The following PDE11A variants were observed in gnomAD, a reference collection of about 807,000 sequenced individuals.
PDE11A encodes phosphodiesterase 11A.
PDE11A carries 100 observed loss-of-function variants against 100.5 expected under a neutral mutation model. The ratio of observed to expected loss-of-function variants is 1.00; its 90% confidence interval spans 0.85 to 1.18. The LOEUF is 1.18. Ranked by LOEUF, PDE11A falls within the 50% of genes most tolerant of loss-of-function variation. The pLI, the probability that PDE11A is intolerant of heterozygous loss-of-function variation, is 0.00. For synonymous variants in PDE11A, 381 were observed against 420.8 expected, an observed-to-expected ratio of 0.91 and a Z score of 1.16; for missense variants, 1,141 against 1,152.6, an observed-to-expected ratio of 0.99 and a Z score of 0.15.
intron 12 of PDE11A, among the ~76,000 whole-genome samples, chr2:177,720,428 A>T (rs1240458361): frequency 1.3e-5 from 2 of 152,114 alleles, no homozygotes; most frequent in South Asian, 2.1e-4. Flanking sequence ...CACAAACTTC[A>T]ATGGAGGGGA....
chr2:178,031,496 T>C (rs939333445), intron 1 of PDE11A, among the ~76,000 whole-genome samples: 1 of 152,100 alleles, frequency 6.6e-6, no homozygotes, highest in Non-Finnish European at 1.5e-5. Flanking sequence ...CAAAAGTAAA[T>C]TGCATTTCTA....
intron 10 of PDE11A, 97 bp from the exon 11 acceptor site, chr2:177,728,269 T>C: frequency 9.4e-7 from 1 of 1,061,034 alleles, no homozygotes; most frequent in Non-Finnish European, 1.4e-6. Flanking sequence ...GCCACATAAA[T>C]CAGGCCTGAC....
At chr2:178,058,846 T>C (rs1347811067) in intron 1 of PDE11A, among the ~76,000 whole-genome samples, 4 of 152,078 alleles carry the variant, frequency 2.6e-5, no homozygotes, top group Admixed American at 6.6e-5. Context: ...TAAATTACTA[T>C]GGAAGTTAGT....
intron 2 of PDE11A, among the ~76,000 whole-genome samples, chr2:178,000,630 T>C (rs2086132926): frequency 1.3e-5 from 2 of 152,340 alleles, no homozygotes; most frequent in African/African-American, 4.8e-5. Flanking sequence ...AATGAAAATA[T>C]TAAAGTATCT....
chr2:178,055,942 G>A (rs2009303), intron 1 of PDE11A, among the ~76,000 whole-genome samples: 68,283 of 151,678 alleles, frequency 0.45, 15,607 homozygotes, highest in Non-Finnish European at 0.48. Context: ...TTTTAAATAC[G>A]CTTTCACATA....
At chr2:177,695,877 T>G (rs543530214) in intron 15 of PDE11A, among the ~76,000 whole-genome samples, 1 of 152,270 alleles carries the variant, frequency 6.6e-6, no homozygotes, top group South Asian at 2.1e-4. Flanking sequence ...AGGGAGTCAT[T>G]TCAAAGCGAA....
intron 4 of PDE11A, among the ~76,000 whole-genome samples, chr2:177,892,457 A>G (rs1325083912): frequency 1.3e-5 from 2 of 152,258 alleles, no homozygotes; most frequent in Admixed American, 1.3e-4. Flanking sequence ...GTTCACAGAT[A>G]CAGCTATACA....
intron 1 of PDE11A, among the ~76,000 whole-genome samples, chr2:178,046,751 C>A (rs1274756906): frequency 1.3e-5 from 2 of 152,138 alleles, no homozygotes; most frequent in East Asian, 1.9e-4. Flanking sequence ...ATGTAACTAT[C>A]CTGGGTCCAA....
intron 2 of PDE11A, among the ~76,000 whole-genome samples, chr2:177,945,019 G>A (rs1257520221): frequency 2.7e-5 from 4 of 149,044 alleles, no homozygotes; most frequent in Non-Finnish European, 4.5e-5. Context: ...ACGGGGTTTC[G>A]CTGTGTTGGC....
intron 2 of PDE11A, among the ~76,000 whole-genome samples, chr2:178,088,033 A>T (rs1431590641): frequency 6.6e-6 from 1 of 152,146 alleles, no homozygotes; most frequent in African/African-American, 2.4e-5. Flanking sequence ...CCTTTTCTGC[A>T]CTGAAGCTCC....
chr2:177,849,800 C>CAAA (rs1359644725), intron 5 of PDE11A, among the ~76,000 whole-genome samples: 4 of 127,856 alleles, frequency 3.1e-5, no homozygotes, highest in African/African-American at 1.1e-4. Flanking sequence ...AAAAAAAAAA[C>CAAA]AAAAAAACCT....
chr2:177,918,087 C>G (rs1357592020), intron 2 of PDE11A, among the ~76,000 whole-genome samples: 1 of 152,150 alleles, frequency 6.6e-6, no homozygotes, highest in African/African-American at 2.4e-5. Flanking sequence ...ACAAAAAGAG[C>G]TTTAAAGTTT....
At chr2:178,106,758 G>C (rs776330424) in intron 1 of PDE11A, among the ~76,000 whole-genome samples, 9 of 151,858 alleles carry the variant, frequency 5.9e-5, no homozygotes, top group African/African-American at 2.2e-4. Flanking sequence ...TCAGGAGTTC[G>C]AGACCAGCCT....
At position 177,848,279 on chromosome 2, in the gene PDE11A, A is replaced by G. The variant is rs79630753; in HGVS notation, c.1368-7896T>C. Among the ~76,000 whole-genome samples the G allele has an allele frequency of 7.2e-3, 1,098 of 152,334 alleles. 12 individuals carry two copies. The highest frequency in any genetic ancestry group is 0.025 in the African/African-American group (1,022 of 41,558). On this transcript the variant is annotated intron_variant, in intron 5 of 19. Coordinates refer to ENST00000286063, the MANE Select transcript of PDE11A (RefSeq NM_016953.4). ...GGCTTAAAGGAAAAAAACAGCAGACAGTAAAAATATATTGATATAAATGTT... is the reference window on the plus strand; with the variant it reads ...GGCTTAAAGGAAAAAAACAGCAGACGGTAAAAATATATTGATATAAATGTT...
intron 2 of PDE11A, among the ~76,000 whole-genome samples, chr2:177,967,658 C>A (rs1431107682): frequency 6.6e-6 from 1 of 151,928 alleles, no homozygotes; most frequent in Non-Finnish European, 1.5e-5. Flanking sequence ...AAACCTCAGC[C>A]TCTAAAACCT....
At chr2:178,090,607 G>T (rs955551403) in intron 2 of PDE11A, among the ~76,000 whole-genome samples, 3 of 152,166 alleles carry the variant, frequency 2.0e-5, no homozygotes, top group African/African-American at 7.2e-5. Flanking sequence ...ATCCATCAGG[G>T]TTGTATAAAT....
chr2:177,642,525 C>A (rs980753799), intron 19 of PDE11A, among the ~76,000 whole-genome samples: 16 of 152,162 alleles, frequency 1.1e-4, no homozygotes, highest in African/African-American at 3.9e-4. Flanking sequence ...ATTTATTCTG[C>A]CAGAACTGTG....
chr2:178,005,759 AT>A (rs1233498181), intron 2 of PDE11A, among the ~76,000 whole-genome samples: 1 of 152,252 alleles, frequency 6.6e-6, no homozygotes, highest in Non-Finnish European at 1.5e-5. Context: ...ATCAATGATC[AT>A]GCAAAGTCCT....
chr2:177,850,023 G>A (rs918837970), intron 5 of PDE11A, among the ~76,000 whole-genome samples: 1 of 152,088 alleles, frequency 6.6e-6, no homozygotes, highest in Admixed American at 6.6e-5. Flanking sequence ...TCACAGAATT[G>A]GAAAAAACTA....
Sources: allele counts gnomAD v4.1 joint callset (sites outside exome capture counted in the v4.1 genomes callset), GRCh38; gene constraint gnomAD v4.1.1; transcripts MANE v1.5; gene names NCBI Gene and HGNC (gene_info 2026-07-23, HGNC 2026-07-21).